The following RETREG3 variants were observed in gnomAD, a reference collection of about 807,000 sequenced individuals.
The protein encoded by RETREG3 is reticulophagy regulator 3.
RETREG3 carries 23 observed loss-of-function variants against 50.2 expected under a neutral mutation model. The ratio of observed to expected loss-of-function variants is 0.46; its 90% CI spans 0.33 to 0.65. The LOEUF (loss-of-function observed/expected upper bound fraction) is 0.65. RETREG3 is among the 30% of genes least tolerant of loss of function. The probability of loss-of-function intolerance (pLI) is 0.02; values close to 1 mark genes in which losing one functional copy is unlikely to be tolerated. For synonymous variants in RETREG3, 240 were observed against 234.4 expected, an observed-to-expected ratio of 1.02 and a Z score of -0.22; for missense variants, 546 against 598.0, an observed-to-expected ratio of 0.91 and a Z score of 0.91.
intron 1 of RETREG3, among the ~76,000 whole-genome samples, chr17:42,603,623 C>A (rs1370429002): frequency 1.3e-5 from 2 of 152,156 alleles, no homozygotes; most frequent in Non-Finnish European, 2.9e-5. Context: ...TCTCGGCTCA[C>A]AAAGACAAGA....
chr17:42,596,359 CAAAAAAAAAAAAAAAAAAAAAAAAA>C (rs60457978), intron 1 of RETREG3, among the ~76,000 whole-genome samples: 1 of 64,728 alleles, frequency 1.5e-5, no homozygotes, highest in Non-Finnish European at 2.6e-5. Flanking sequence ...GACCCTTTCT[CAAAAAAAAAAAAAAAAAAAAAAAAA>C]AAAAAAAAAA....
chr17:42,603,034 A>G (rs1182050382), intron 1 of RETREG3, among the ~76,000 whole-genome samples: 3 of 151,494 alleles, frequency 2.0e-5, no homozygotes, highest in Non-Finnish European at 4.4e-5. Context: ...GAAATTTTAT[A>G]TATCCATTGA....
At chr17:42,589,275 C>T (rs1036192473) in intron 2 of RETREG3, among the ~76,000 whole-genome samples, 4 of 151,984 alleles carry the variant, frequency 2.6e-5, no homozygotes, top group Admixed American at 6.6e-5. Flanking sequence ...AATATCTTGC[C>T]AACACTTCAA....
chr17:42,607,588 T>A (rs572535219), intron 1 of RETREG3, among the ~76,000 whole-genome samples: 1 of 148,020 alleles, frequency 6.8e-6, no homozygotes, highest in South Asian at 2.2e-4. Context: ...GCAGATCACC[T>A]GACCTCGGGA....
intron 2 of RETREG3, among the ~76,000 whole-genome samples, chr17:42,588,664 CTT>C (rs1280927735): frequency 6.6e-6 from 1 of 150,596 alleles, no homozygotes; most frequent in Non-Finnish European, 1.5e-5. Flanking sequence ...TGCCTGTTCT[CTT>C]TATTTTTTTG....
Position 42,585,262 on chromosome 17 carries a change from A to G in RETREG3, c.590T>C (p.Leu197Pro). ...AAGGGGCCACATCATGACAGTGACA[A>G]CTGTGAGGAGGCATGGGAAACAGTG... Reference protein sequence around the residue: ...VPGLLLSYLMLVTVMMWPLAV... With the variant: ...VPGLLLSYLMPVTVMMWPLAV... Residue 197 changes from leucine (L) to proline (P), a missense_variant and splice_region_variant, in exon 6 of 9, where the codon CTT (leucine) becomes CCT (proline). Transcript: ENST00000309428. 6.2e-7 allele frequency: 1 copy of G among 1,612,766 alleles called. No homozygotes were observed. Among genetic ancestry groups the G allele is most frequent in the Non-Finnish European group, 8.5e-7 (1 of 1,179,092 alleles).
rs1567925358 is a variant in RETREG3 at position 42,597,592 on chromosome 17, TATATA to T, written c.240-5435_240-5431del. Among the ~76,000 whole-genome samples, 214 of 69,998 alleles carry T rather than the reference TATATA, an allele frequency of 3.1e-3. 7 individuals are homozygous for T. The highest frequency in any genetic ancestry group is 6.6e-3 in the African/African-American group (107 of 16,196). The allele number at this position is 69,998 out of a possible 152,430, so 45.9% of individuals were successfully genotyped here. On this transcript the variant is annotated intron_variant, in intron 1 of 8. Coordinates refer to ENST00000309428, the MANE Select transcript of RETREG3 (RefSeq NM_178126.4). ...TATATATTTTGTGTGTATATATATA[TATATA>T]TATATATATATATATATATATATTT...
rs562016010 is a variant in RETREG3, at chr17:42,593,579, C to T, written c.240-1417G>A. Among the ~76,000 whole-genome samples the T allele has an allele frequency of 2.1e-5, 3 of 145,686 alleles. No homozygotes were observed. In the East Asian group the frequency reaches 6.3e-4, roughly 31 times the overall value. On this transcript the variant is annotated intron_variant, in intron 1 of 8. Transcript: ENST00000309428. ...ACGAGAATGGCGTGAACCTGGGAGGCGGAGCTTGCAGTGAGCCAAGATCGC... is the reference window on the plus strand; with the variant it reads ...ACGAGAATGGCGTGAACCTGGGAGGTGGAGCTTGCAGTGAGCCAAGATCGC...
intron 1 of RETREG3, among the ~76,000 whole-genome samples, chr17:42,597,513 GTGTGTGTGTGTA>G (rs1489876642): frequency 8.1e-6 from 1 of 123,780 alleles, no homozygotes; most frequent in East Asian, 2.5e-4. Context: ...GTGTGTGTGT[GTGTGTGTGTGTA>G]TATATATATA....
intron 1 of RETREG3, chr17:42,596,440 T>G (rs1327701179): frequency 6.6e-6 from 1 of 151,494 alleles, no homozygotes; most frequent in Admixed American, 6.6e-5. Flanking sequence ...TACACTGTTT[T>G]ATCTGCTTGT....
chr17:42,594,570 G>A (rs1014662782), intron 1 of RETREG3, among the ~76,000 whole-genome samples: 3 of 151,800 alleles, frequency 2.0e-5, no homozygotes, highest in East Asian at 1.9e-4. Context: ...AAGGCTGGGC[G>A]CGGTGGCTCA....
chr17:42,585,362 A>G (rs2093119427), intron 5 of RETREG3, 100 bp from the exon 6 acceptor site: 2 of 1,484,756 alleles, frequency 1.3e-6, no homozygotes, highest in Admixed American at 2.0e-5. Flanking sequence ...TTGGACACAA[A>G]GTGTGGAACA....
At chr17:42,585,042 A>T in intron 6 of RETREG3, 83 bp downstream of exon 6, 1 of 1,540,598 alleles carries the variant, frequency 6.5e-7, no homozygotes, top group Non-Finnish European at 8.8e-7. Flanking sequence ...ACTTTTGAGG[A>T]CCCACCCAGT....
intron 7 of RETREG3, among the ~76,000 whole-genome samples, 165 bp downstream of exon 7, chr17:42,583,329 TAAAG>T (rs938339377): frequency 2.6e-5 from 4 of 152,050 alleles, no homozygotes; most frequent in African/African-American, 7.3e-5. Flanking sequence ...AATGATATGA[TAAAG>T]AAAAAAATTG....
intron 1 of RETREG3, chr17:42,605,248 C>G (rs1439362453): frequency 2.5e-5 from 1 of 40,056 alleles, no homozygotes; most frequent in African/African-American, 1.2e-4. Context: ...AGCTACCTAC[C>G]TGAATTCTGA....
intron 1 of RETREG3, chr17:42,596,427 TA>T (rs2093145135): frequency 6.7e-6 from 1 of 150,090 alleles, no homozygotes; most frequent in Non-Finnish European, 1.5e-5. Flanking sequence ...GTTTTTTTCT[TA>T]TTACACTGTT....
chr17:42,586,713 A>G (rs1262528927), intron 4 of RETREG3, 52 bp downstream of exon 4: 2 of 1,593,984 alleles, frequency 1.3e-6, no homozygotes, highest in African/African-American at 1.3e-5. Context: ...TCAGTTTAGC[A>G]TGAACTGAAC....
At chr17:42,602,984 C>T (rs575059323) in intron 1 of RETREG3, among the ~76,000 whole-genome samples, 14 of 152,000 alleles carry the variant, frequency 9.2e-5, no homozygotes, top group Non-Finnish European at 2.1e-4. Flanking sequence ...AAATAATTTC[C>T]ATTTACATAT....
intron 3 of RETREG3, chr17:42,587,604 G>C: frequency 1.9e-6 from 1 of 519,594 alleles, no homozygotes; most frequent in South Asian, 2.4e-5. Flanking sequence ...CAGGTTATGG[G>C]GCACTGTAAT....
Sources: allele counts gnomAD v4.1 joint callset (sites outside exome capture counted in the v4.1 genomes callset), GRCh38; gene constraint gnomAD v4.1.1; transcripts MANE v1.5; gene names NCBI Gene and HGNC (gene_info 2026-07-23, HGNC 2026-07-21).